Variants in C1QTNF7 observed in about 807,000 individuals in gnomAD.
C1QTNF7 encodes the protein C1q and TNF related 7.
In C1QTNF7, 15 loss-of-function variants were observed where a neutral mutation model predicts 19.6. The ratio of observed to expected loss-of-function variants is 0.76; its 90% CI spans 0.51 to 1.18. C1QTNF7 has a LOEUF of 1.18. C1QTNF7 is among the 50% of genes most tolerant of loss of function. The pLI is 0.00. For missense variants in C1QTNF7, 324 were observed against 359.7 expected, an observed-to-expected ratio of 0.90 and a Z score of 0.80; for synonymous variants, 142 against 137.5, an observed-to-expected ratio of 1.03 and a Z score of -0.23.
At chr4:15,340,465 G>A (rs915567569) in intron 1 of C1QTNF7, among the ~76,000 whole-genome samples, 5 of 152,130 alleles carry the variant, frequency 3.3e-5, no homozygotes, top group African/African-American at 1.2e-4. Flanking sequence ...GAAAATGTAA[G>A]CGGAGTCTTC....
intron 2 of C1QTNF7, among the ~76,000 whole-genome samples, chr4:15,441,761 C>T (rs1202599635): frequency 6.6e-6 from 1 of 152,166 alleles, no homozygotes; most frequent in Admixed American, 6.5e-5. Flanking sequence ...GTGGCTCATG[C>T]CTATAATCCC....
chr4:15,442,502 G>T lies in C1QTNF7; in HGVS notation c.573G>T (p.Gly191=), dbSNP rs766263088. The T allele has an allele frequency of 1.9e-6, 3 of 1,614,054 alleles. No homozygotes were observed. In the South Asian group the frequency reaches 3.3e-5, roughly 18 times the overall value. Residue 191 remains glycine, a synonymous_variant, in exon 3 of 3, where the codon GGG becomes GGT. Transcript: ENST00000444304. ...GGAAGTTCATCTGTGCTTTCCCAGG[G>T]ATCTATTACTTTTCTTATGATATCA... ...ATGKFICAFP[G]IYYFSYDITL... is the part of the protein sequence containing the mutation.
At chr4:15,413,115 C>T (rs1218940916) in intron 1 of C1QTNF7, among the ~76,000 whole-genome samples, 2 of 152,176 alleles carry the variant, frequency 1.3e-5, no homozygotes, top group Admixed American at 6.5e-5. Context: ...CAAATTTGAT[C>T]AAAATGAACA....
At chr4:15,368,354 A>C (rs542557784) in intron 1 of C1QTNF7, among the ~76,000 whole-genome samples, 2 of 152,098 alleles carry the variant, frequency 1.3e-5, no homozygotes, top group East Asian at 3.9e-4. Flanking sequence ...GGTTTGTTAC[A>C]TATATATACA....
chr4:15,369,236 G>A (rs1717637480), intron 1 of C1QTNF7, among the ~76,000 whole-genome samples: 3 of 152,138 alleles, frequency 2.0e-5, no homozygotes, highest in Admixed American at 6.5e-5. Flanking sequence ...TGCTGATTAA[G>A]GCTCAAGTGA....
intron 1 of C1QTNF7, among the ~76,000 whole-genome samples, chr4:15,397,362 A>G (rs1408477897): frequency 1.3e-5 from 2 of 152,050 alleles, no homozygotes; most frequent in Admixed American, 6.5e-5. Context: ...CCCACAGTGG[A>G]CTCTATAGCT....
chr4:15,393,897 T>C (rs561874517), intron 1 of C1QTNF7, among the ~76,000 whole-genome samples: 17 of 152,308 alleles, frequency 1.1e-4, no homozygotes, highest in African/African-American at 4.1e-4. Context: ...AAGCCTTCCT[T>C]TCTAATGAGG....
intron 1 of C1QTNF7, among the ~76,000 whole-genome samples, chr4:15,347,280 G>A (rs76344937): frequency 3.9e-5 from 6 of 152,102 alleles, no homozygotes; most frequent in South Asian, 4.1e-4. Context: ...TCATAAGGCC[G>A]CTCCTTCCAT....
In C1QTNF7 at chr4:15,442,902, A is replaced by C; in HGVS notation, c.*103A>C. On this transcript the variant is annotated 3_prime_UTR_variant, in exon 3 of 3. Coordinates refer to ENST00000444304, the MANE Select transcript of C1QTNF7 (RefSeq NM_031911.5). ...CAAAGAGACTCCCACTCAGATTCTA[A>C]AGCATTTAAAGACAATTCTAGCAGA... 4 of 1,228,700 alleles carry C rather than the reference A, an allele frequency of 3.3e-6. No individual in the cohort carries two copies. Among genetic ancestry groups the C allele is most frequent in the Non-Finnish European group, 4.4e-6 (4 of 899,056 alleles). 76.1% of individuals were successfully genotyped at this position (1,228,700 alleles called of 1,614,324 possible).
chr4:15,431,041 AGATAGATAGAT>A (rs1301012021), intron 1 of C1QTNF7, among the ~76,000 whole-genome samples: 270 of 145,228 alleles, frequency 1.9e-3, no homozygotes, highest in African/African-American at 7.0e-3. Flanking sequence ...TTGTAGATTA[AGATAGATAGAT>A]GATAGATAGA....
chr4:15,350,031 G>GAGGGAGGAAGGAAGGAAAGA (rs1716857532), intron 1 of C1QTNF7, among the ~76,000 whole-genome samples: 4 of 148,108 alleles, frequency 2.7e-5, no homozygotes, highest in Admixed American at 2.0e-4. Context: ...GGGAGGAAGG[G>GAGGGAGGAAGGAAGGAAAGA]AGGGAGGAAG....
chr4:15,437,536 G>T (rs1712585036), intron 2 of C1QTNF7, among the ~76,000 whole-genome samples: 1 of 152,098 alleles, frequency 6.6e-6, no homozygotes, highest in Non-Finnish European at 1.5e-5. Context: ...TCATGAGGTA[G>T]TTCTAATATT....
intron 1 of C1QTNF7, among the ~76,000 whole-genome samples, chr4:15,397,524 A>C (rs1718830932): frequency 1.3e-5 from 2 of 151,960 alleles, no homozygotes; most frequent in African/African-American, 4.8e-5. Context: ...GTGCCTCTGC[A>C]CCTCTGGCTA....
chr4:15,388,842 A>G (rs1395915596), intron 1 of C1QTNF7, among the ~76,000 whole-genome samples: 2 of 152,236 alleles, frequency 1.3e-5, no homozygotes, highest in Non-Finnish European at 2.9e-5. Context: ...TGGTATAATT[A>G]GTAGATGGCA....
intron 1 of C1QTNF7, chr4:15,340,356 G>C: frequency 9.8e-7 from 1 of 1,018,938 alleles, no homozygotes; most frequent in Non-Finnish European, 1.5e-6. Context: ...TCAGAGGTTA[G>C]AAAACCTCCG....
intron 1 of C1QTNF7, among the ~76,000 whole-genome samples, chr4:15,356,948 T>G (rs958236470): frequency 6.6e-6 from 1 of 151,946 alleles, no homozygotes; most frequent in South Asian, 2.1e-4. Context: ...AAGTTGTTTT[T>G]TTTTTTTTTT....
At chr4:15,386,856 G>T (rs1718356175) in intron 1 of C1QTNF7, among the ~76,000 whole-genome samples, 2 of 152,200 alleles carry the variant, frequency 1.3e-5, no homozygotes, top group Non-Finnish European at 1.5e-5. Flanking sequence ...GACTGGTTGG[G>T]AGAGGCAGGC....
intron 2 of C1QTNF7, among the ~76,000 whole-genome samples, chr4:15,440,048 A>G (rs1712689648): frequency 6.6e-6 from 1 of 152,030 alleles, no homozygotes; most frequent in Admixed American, 6.6e-5. Context: ...TAAATTTTAA[A>G]CCATTTATAT....
At chr4:15,374,770 G>A in intron 1 of C1QTNF7, 1 of 978,746 alleles carries the variant, frequency 1.0e-6, no homozygotes. Flanking sequence ...TGTGAGCAAT[G>A]TAAGTAAACA....
Sources: allele counts gnomAD v4.1 joint callset (sites outside exome capture counted in the v4.1 genomes callset), GRCh38; gene constraint gnomAD v4.1.1; transcripts MANE v1.5; gene names NCBI Gene and HGNC (gene_info 2026-07-23, HGNC 2026-07-21).